The following ENO3 variants were observed in gnomAD, a reference collection of about 807,000 sequenced individuals.
The protein encoded by ENO3 is enolase 3, also known as beta-enolase.
In ENO3, 46 loss-of-function variants were observed where a neutral mutation model predicts 47.7. The ratio of observed to expected loss-of-function variants is 0.96; its 90% CI spans 0.76 to 1.23. ENO3 has a LOEUF of 1.23. Among genes scored for constraint, ENO3 ranks in the 50% most tolerant of loss-of-function variants. ENO3 has a pLI of 0.00. For synonymous variants in ENO3, 223 were observed against 225.9 expected, an observed-to-expected ratio of 0.99 and a Z score of 0.11; for missense variants, 575 against 566.2, an observed-to-expected ratio of 1.02 and a Z score of -0.16.
At chr17:4,948,988 C>T (rs1355065871), upstream of ENO3, 1 of 151,826 alleles carries the variant, frequency 6.6e-6, no homozygotes, top group African/African-American at 2.4e-5. Context: ...CGTGTGCCCG[C>T]GCCTGCGCCT....
In ENO3 at chr17:4,955,084, G is replaced by A. The variant is rs755486254; in HGVS notation, c.454G>A (p.Val152Met). The A allele has an allele frequency of 1.1e-5, 17 of 1,597,410 alleles. No individual in the cohort carries two copies. Among genetic ancestry groups the A allele is most frequent in the Admixed American group, 1.7e-5 (1 of 59,200 alleles). Reference protein sequence around the residue: ...DLILPVPAFNVINGGSHAGNK... With the variant: ...DLILPVPAFNMINGGSHAGNK... ...CCTCTCCCCATCTCAGGCCTTCAATGTGATCAACGGGGGCTCCCATGCTGG... is the reference window on the plus strand; with the variant it reads ...CCTCTCCCCATCTCAGGCCTTCAATATGATCAACGGGGGCTCCCATGCTGG... Residue 152 changes from valine (V) to methionine (M), a missense_variant, in exon 7 of 12, where the codon GTG (valine) becomes ATG (methionine). By Grantham distance (21) the Val-to-Met change is conservative. Coordinates refer to ENST00000519602, the MANE Select transcript of ENO3 (RefSeq NM_053013.4).
chr17:4,956,724 T>G, intron 10 of ENO3, 43 bp downstream of exon 10: 1 of 1,614,106 alleles, frequency 6.2e-7, no homozygotes, highest in Non-Finnish European at 8.5e-7. Context: ...CCAAGTTTTC[T>G]TGGGGTCCCT....
Position 4,956,894 on chromosome 17 carries a change from A to G in ENO3, c.1235+5A>G, listed in dbSNP as rs748979350. The G allele has an allele frequency of 2.6e-5, 42 of 1,614,104 alleles. No homozygotes were observed. Among genetic ancestry groups the G allele is most frequent in the Non-Finnish European group, 3.6e-5 (42 of 1,180,056 alleles). On this transcript the variant is annotated splice_donor_5th_base_variant and intron_variant, in intron 11 of 11. Transcript: ENST00000519602. ...CAAATACAACCAACTCATGAGGTACAGCGGGAACAGTGGGCCTGGGCATTG... is the reference window on the plus strand; with the variant it reads ...CAAATACAACCAACTCATGAGGTACGGCGGGAACAGTGGGCCTGGGCATTG...
At chr17:4,952,566 G>A (rs965406270) in intron 2 of ENO3, among the ~76,000 whole-genome samples, 72 of 152,006 alleles carry the variant, frequency 4.7e-4, no homozygotes, top group Non-Finnish European at 9.0e-4. Context: ...CTCGTGATCC[G>A]CCCGCCTTGG....
chr17:4,955,565 CTCGGAGA>C lies in ENO3; in HGVS notation c.827_833del (p.Leu276ArgfsTer34), dbSNP rs771888314. The C allele has an allele frequency of 6.2e-7, 1 of 1,614,238 alleles. No homozygotes were observed. The highest frequency in any genetic ancestry group is 8.5e-7 in the Non-Finnish European group (1 of 1,180,038). ...CGCACGGCACATCACTGGGGAGAAG[CTCGGAGA>C]GCTGTATAAGAGCTTTATCAAGAAC... On this transcript the variant is annotated frameshift_variant, in exon 8 of 12. Transcript: ENST00000519602. LOFTEE classifies it high-confidence loss of function.
chr17:4,950,704 T>A, upstream of ENO3: 4 of 980,728 alleles, frequency 4.1e-6, no homozygotes, highest in Non-Finnish European at 4.8e-6. Flanking sequence ...CGCCCAGCGA[T>A]CTGAGCATGT....
intron 11 of ENO3, 31 bp from the exon 12 acceptor site, chr17:4,956,947 T>G (rs778878581): frequency 6.2e-7 from 1 of 1,614,150 alleles, no homozygotes; most frequent in South Asian, 1.1e-5. Context: ...AGGTTGGAAG[T>G]TCAGCAGCCC....
rs200324278 is a variant in ENO3 at position 4,955,184 on chromosome 17, G to T, written c.554G>T (p.Gly185Val). The change falls in exon 7 of 12, where the codon GGC becomes GTC. Residue 185 changes from glycine (G) to valine (V), a missense_variant. By Grantham distance (109) the Gly-to-Val change is moderately radical (BLOSUM62 -3). Coordinates refer to ENST00000519602, the MANE Select transcript of ENO3 (RefSeq NM_053013.4). The stretch of plus-strand genomic sequence containing the variant: ...TCCTTCAAGGAAGCCATGCGCATTG[G>T]CGCCGAGGTCTACCACCACCTCAAG... ...ASSFKEAMRI[G>V]AEVYHHLKGV... The T allele has an allele frequency of 8.7e-5, 141 of 1,614,216 alleles. 1 individual carries two copies. The East Asian group carries it at 3.1e-3, about 35-fold the overall frequency.
At chr17:4,956,177 C>T in intron 9 of ENO3, 34 bp downstream of exon 9, 1 of 1,609,660 alleles carries the variant, frequency 6.2e-7, no homozygotes, top group Non-Finnish European at 8.5e-7. Flanking sequence ...CTCACCATAG[C>T]CTGCCTCTGC....
At chr17:4,953,181 C>A in intron 4 of ENO3, 72 bp downstream of exon 4, 1 of 1,613,030 alleles carries the variant, frequency 6.2e-7, no homozygotes. Flanking sequence ...CAGGCCTCTC[C>A]CGAAACATTT....
chr17:4,952,233 G>T, intron 2 of ENO3: 1 of 411,240 alleles, frequency 2.4e-6, no homozygotes, highest in Non-Finnish European at 4.7e-6. Flanking sequence ...CTGGAGTGCA[G>T]TGGTGCAATC....
At position 4,953,042 on chromosome 17, in the gene ENO3, C is replaced by T. The variant is rs759611531; in HGVS notation, c.182-9C>T. The T allele has an allele frequency of 6.2e-7, 1 of 1,614,218 alleles. No homozygotes were observed. Among genetic ancestry groups the T allele is most frequent in the East Asian group, 2.2e-5 (1 of 44,886 alleles). On this transcript the variant is annotated splice_polypyrimidine_tract_variant and intron_variant, in intron 3 of 11. Coordinates refer to ENST00000519602, the MANE Select transcript of ENO3 (RefSeq NM_053013.4). ...TTGAGCTCCAAAACTCATCCTCTGG[C>T]CTGTCTAGGAGTCCTGAAGGCTGTG... is the stretch of plus-strand genomic sequence containing the variant.
At position 4,952,925 on chromosome 17, in the gene ENO3, G is replaced by T. The variant is rs1218598404; in HGVS notation, c.181+35G>T. ...CACCAGCGCAGAAGGAGCCTGTGTGGGCGGCTTTAGGACATGGGTGCACAA... is the reference window on the plus strand; with the variant it reads ...CACCAGCGCAGAAGGAGCCTGTGTGTGCGGCTTTAGGACATGGGTGCACAA... On this transcript the variant is annotated intron_variant, in intron 3 of 11. Transcript: ENST00000519602. 5.6e-6 allele frequency: 9 copies of T among 1,610,246 alleles called. No homozygotes were observed. The Admixed American group carries it at 1.2e-4, about 21-fold the overall frequency.
At chr17:4,949,882 G>T (rs910283435), upstream of ENO3, among the ~76,000 whole-genome samples, 3 of 152,048 alleles carry the variant, frequency 2.0e-5, no homozygotes, top group Non-Finnish European at 2.9e-5. Context: ...GGGCGGGGCC[G>T]CACCCGGGCA....
chr17:4,951,248 G>T, intron 1 of ENO3, 66 bp downstream of exon 1: 1 of 1,007,886 alleles, frequency 9.9e-7, no homozygotes, highest in Non-Finnish European at 1.2e-6. Context: ...TGGCTTGGAG[G>T]AAGTGGGGGA....
At chr17:4,952,468 C>G (rs565409148) in intron 2 of ENO3, 2 of 361,964 alleles carry the variant, frequency 5.5e-6, no homozygotes. Flanking sequence ...CTCAGCCTCC[C>G]GAGTAGCTGG....
chr17:4,948,721 T>G (rs1597691193), upstream of ENO3: 1 of 335,862 alleles, frequency 3.0e-6, no homozygotes, highest in South Asian at 4.5e-5. Flanking sequence ...CAGAGTTCGA[T>G]GGAAAGCAAT....
chr17:4,956,292 T>TA (rs1971731565), intron 9 of ENO3, 149 bp downstream of exon 9: 1 of 1,028,298 alleles, frequency 9.7e-7, no homozygotes, highest in Non-Finnish European at 1.5e-6. Flanking sequence ...TTTGTTTGAC[T>TA]AATCCTTGGC....
chr17:4,950,567 T>C (rs1971511310), upstream of ENO3: 1 of 985,382 alleles, frequency 1.0e-6, no homozygotes, highest in Non-Finnish European at 1.2e-6. Context: ...ATCCCGGCGC[T>C]GGCTGGCCTG....
Sources: gnomAD v4.1 joint callset for allele counts (sites outside exome capture counted in the v4.1 genomes callset) on GRCh38, gnomAD v4.1.1 for gene constraint, MANE v1.5 for transcripts, NCBI Gene and HGNC (gene_info 2026-07-23, HGNC 2026-07-21) for gene names.